SLAIN2: variants seen among roughly 807,000 people sequenced by gnomAD.
The protein encoded by SLAIN2 is SLAIN motif-containing protein 2.
In SLAIN2, 31 loss-of-function variants were observed where a neutral mutation model predicts 56.6. The ratio of observed to expected loss-of-function variants is 0.55; its 90% CI spans 0.41 to 0.74. SLAIN2 has a LOEUF of 0.74. SLAIN2 is among the 30% of genes least tolerant of loss of function. The pLI is 0.00. For synonymous variants in SLAIN2, 317 were observed against 284.9 expected (o/e 1.11, Z -1.13); for missense variants, 777 against 754.2 (o/e 1.03, Z -0.35).
intron 6 of SLAIN2, among the ~76,000 whole-genome samples, chr4:48,412,763 C>T (rs575131144): frequency 6.6e-6 from 1 of 152,046 alleles, no homozygotes; most frequent in African/African-American, 2.4e-5. Context: ...AAATAATAGT[C>T]GTGTACGTTA....
rs1717250532 is a variant in SLAIN2, at chr4:48,424,594, C to T, written c.*2517C>T. 1 of 151,952 alleles carries T rather than the reference C, an allele frequency of 6.6e-6. No homozygotes were observed. Among genetic ancestry groups the T allele is most frequent in the African/African-American group, 2.4e-5 (1 of 41,372 alleles). The allele number at this position is 151,952 out of a possible 1,614,324, so 9.4% of individuals were successfully genotyped here. Reference sequence around the variant, plus strand: ...TTGGAAAAAATATAAATATTCTTAACTCAAGCATTTGCTGGATCATTTTTC... The same window carrying T: ...TTGGAAAAAATATAAATATTCTTAATTCAAGCATTTGCTGGATCATTTTTC... On this transcript the variant is annotated 3_prime_UTR_variant, in exon 8 of 8. Transcript: ENST00000264313.
chr4:48,359,350 C>T (rs1214663741), intron 1 of SLAIN2, among the ~76,000 whole-genome samples: 24 of 152,156 alleles, frequency 1.6e-4, no homozygotes, highest in South Asian at 6.2e-4. Context: ...AAATTTGCAT[C>T]TAAAGAAATT....
At chr4:48,380,343 T>C (rs931542450) in intron 4 of SLAIN2, among the ~76,000 whole-genome samples, 1 of 152,152 alleles carries the variant, frequency 6.6e-6, no homozygotes, top group Non-Finnish European at 1.5e-5. Flanking sequence ...AATTATGACA[T>C]CTAGGAATTT....
rs192204268 is a variant in SLAIN2, at chr4:48,420,223, G to A, written c.1459G>A (p.Gly487Ser). 1.7e-3 allele frequency: 2,785 copies of A among 1,613,936 alleles called. 5 individuals are homozygous for A. The highest frequency in any genetic ancestry group is 2.1e-3 in the Non-Finnish European group (2,457 of 1,179,874). Reference protein sequence around the residue: ...AFSNHGSGSPGSQEITQLTQT... With the variant: ...AFSNHGSGSPSSQEITQLTQT... ...TAGTAACCATGGCTCTGGTTCTCCT[G>A]GTAGCCAAGAAATAACACAGCTCAC... The change falls in exon 7 of 8, where the codon GGT becomes AGT. Residue 487 changes from glycine to serine, a missense_variant. By Grantham distance (56) the Gly-to-Ser change is moderately conservative. Transcript: ENST00000264313.
chr4:48,386,928 G>A (rs566092645), intron 6 of SLAIN2, among the ~76,000 whole-genome samples: 1 of 152,258 alleles, frequency 6.6e-6, no homozygotes, highest in Admixed American at 6.5e-5. Flanking sequence ...TAAAACTTAT[G>A]TATATTATAA....
rs1318458155 is a variant in SLAIN2, at chr4:48,422,807, A to T, written c.*730A>T. The T allele has an allele frequency of 6.6e-6, 1 of 152,196 alleles. No individual in the cohort carries two copies. Among genetic ancestry groups the T allele is most frequent in the Non-Finnish European group, 1.5e-5 (1 of 68,032 alleles). 9.4% of individuals were successfully genotyped at this position (152,196 alleles called of 1,614,324 possible). ...ATCAAACTTGTGTGTGTTTGTTTTG[A>T]TTGCCAAAAGGGCTTAATATCAGTT... On this transcript the variant is annotated 3_prime_UTR_variant, in exon 8 of 8. Transcript: ENST00000264313.
At chr4:48,350,445 G>A (rs1218776745) in intron 1 of SLAIN2, among the ~76,000 whole-genome samples, 2 of 152,190 alleles carry the variant, frequency 1.3e-5, no homozygotes, top group African/African-American at 2.4e-5. Context: ...AATTTGGGCA[G>A]TAAATAGCAG....
chr4:48,388,786 G>GT (rs764179871), intron 6 of SLAIN2, among the ~76,000 whole-genome samples: 3 of 152,314 alleles, frequency 2.0e-5, no homozygotes, highest in South Asian at 2.1e-4. Flanking sequence ...GAGATTAACT[G>GT]TAAGTATTTT....
chr4:48,356,434 CTGTACTAGTAGCTGAAAAGATA>C (rs1162695094), intron 1 of SLAIN2, among the ~76,000 whole-genome samples: 35 of 151,564 alleles, frequency 2.3e-4, no homozygotes, highest in Middle Eastern at 3.4e-3. Context: ...CTGAAAAGAT[CTGTACTAGTAGCTGAAAAGATA>C]TGTACTAGTA....
intron 1 of SLAIN2, among the ~76,000 whole-genome samples, chr4:48,354,540 C>G (rs1452334756): frequency 1.3e-5 from 2 of 152,002 alleles, no homozygotes; most frequent in African/African-American, 2.4e-5. Flanking sequence ...AATCTCAGCT[C>G]ACTGCAACTT....
Position 48,420,215 on chromosome 4 carries a change from G to T in SLAIN2, c.1451G>T (p.Gly484Val). 1.9e-6 allele frequency: 3 copies of T among 1,613,910 alleles called. No individual in the cohort carries two copies. The highest frequency in any genetic ancestry group is 2.5e-6 in the Non-Finnish European group (3 of 1,179,874). ...PVKAFSNHGS[G>V]SPGSQEITQL... ...AAAGCATTTAGTAACCATGGCTCTG[G>T]TTCTCCTGGTAGCCAAGAAATAACA... The change falls in exon 7 of 8, where the codon GGT becomes GTT. Residue 484 changes from glycine to valine, a missense_variant. Transcript: ENST00000264313.
At chr4:48,370,190 A>G (rs1715627217) in intron 2 of SLAIN2, among the ~76,000 whole-genome samples, 193 bp downstream of exon 2, 1 of 152,226 alleles carries the variant, frequency 6.6e-6, no homozygotes, top group South Asian at 2.1e-4. Context: ...TTTTTAAAAA[A>G]ATCTTGTTTT....
chr4:48,377,245 C>T (rs1203659060), intron 2 of SLAIN2, among the ~76,000 whole-genome samples: 13 of 151,676 alleles, frequency 8.6e-5, no homozygotes, highest in East Asian at 7.8e-4. Context: ...TGCAGTGGCA[C>T]GATCTCTGCT....
chr4:48,376,165 A>G (rs1715803327), intron 2 of SLAIN2, among the ~76,000 whole-genome samples: 1 of 152,222 alleles, frequency 6.6e-6, no homozygotes, highest in Admixed American at 6.5e-5. Context: ...TAGAATATGA[A>G]GGAAGGGGCT....
At position 48,342,263 on chromosome 4, in the gene SLAIN2, T is replaced by A. The variant is rs1440369303; in HGVS notation, c.389+135T>A. The A allele has an allele frequency of 7.7e-6, 9 of 1,168,350 alleles. No individual in the cohort carries two copies. The African/African-American group carries it at 1.5e-4, about 19-fold the overall frequency. 72.4% of individuals were successfully genotyped at this position (1,168,350 alleles called of 1,614,324 possible). A position where few individuals can be genotyped will look rare whatever the true frequency, so the allele number is the denominator to read the frequency against. ...TCTCCTGTGGCGACTTGTGGTTTTC[T>A]TGCTTTGGCAGAGGGAACGTCAGCT... On this transcript the variant is annotated intron_variant, in intron 1 of 7. Transcript: ENST00000264313.
At chr4:48,372,731 A>G (rs1277555451) in intron 2 of SLAIN2, among the ~76,000 whole-genome samples, 7 of 152,238 alleles carry the variant, frequency 4.6e-5, no homozygotes, top group African/African-American at 1.7e-4. Context: ...TCTGTTTAAC[A>G]TTGTTTAAAT....
chr4:48,424,304 A>G lies in SLAIN2; in HGVS notation c.*2227A>G, dbSNP rs1009355084. On this transcript the variant is annotated 3_prime_UTR_variant, in exon 8 of 8. Coordinates refer to ENST00000264313, the MANE Select transcript of SLAIN2 (RefSeq NM_020846.2). ...TACTAGAAAGCCTTTGTATATTGCA[A>G]TTTTTCTGTTTGGGAAAATCTAAGG... 3.3e-5 allele frequency: 5 copies of G among 152,108 alleles called. No homozygotes were observed. Among genetic ancestry groups the G allele is most frequent in the Admixed American group, 6.5e-5 (1 of 15,274 alleles). The allele number at this position is 152,108 out of a possible 1,614,324, so 9.4% of individuals were successfully genotyped here.
chr4:48,370,439 T>C (rs1408907681), intron 2 of SLAIN2, among the ~76,000 whole-genome samples: 1 of 152,244 alleles, frequency 6.6e-6, no homozygotes, highest in Non-Finnish European at 1.5e-5. Context: ...TTGACTTGTG[T>C]GAGCTCAGTT....
At chr4:48,416,422 CTT>C (rs1716996527) in intron 6 of SLAIN2, among the ~76,000 whole-genome samples, 2 of 129,158 alleles carry the variant, frequency 1.5e-5, no homozygotes, top group South Asian at 5.7e-4. Flanking sequence ...TATCCTGAGA[CTT>C]TGCTGAAGTT....
Sources: allele counts gnomAD v4.1 joint callset (sites outside exome capture counted in the v4.1 genomes callset), GRCh38; gene constraint gnomAD v4.1.1; transcripts MANE v1.5; gene names NCBI Gene and HGNC (gene_info 2026-07-23, HGNC 2026-07-21).